Variants in SNTG1 observed in about 807,000 individuals in gnomAD.
SNTG1 encodes gamma-1-syntrophin.
SNTG1 carries 39 observed loss-of-function variants against 74.7 expected under a neutral mutation model. That is an observed-to-expected ratio of 0.52 (90% confidence interval 0.40 to 0.68). The LOEUF is 0.68. Among genes scored for constraint, SNTG1 ranks in the 30% least tolerant of loss-of-function variants. SNTG1 has a pLI of 0.00. For missense variants in SNTG1, 685 were observed against 609.5 expected (o/e 1.12, Z -1.30); for synonymous variants, 254 against 217.1 (o/e 1.17, Z -1.49).
chr8:50,076,504 C>T (rs1198526635), intron 1 of SNTG1, among the ~76,000 whole-genome samples: 2 of 151,972 alleles, frequency 1.3e-5, no homozygotes, highest in Admixed American at 6.6e-5. Flanking sequence ...ATTATATTAC[C>T]TTGATTACTA....
At chr8:50,789,769 C>A (rs1020901035) in intron 18 of SNTG1, among the ~76,000 whole-genome samples, 15 of 151,984 alleles carry the variant, frequency 9.9e-5, no homozygotes, top group Admixed American at 9.9e-4. Flanking sequence ...CCAGAATCAT[C>A]ATTTTCTGAC....
At chr8:50,536,077 A>G (rs936514422) in intron 10 of SNTG1, among the ~76,000 whole-genome samples, 1 of 152,216 alleles carries the variant, frequency 6.6e-6, no homozygotes, top group African/African-American at 2.4e-5. Flanking sequence ...TGTAATTTTA[A>G]GCCAGCAGTA....
intron 1 of SNTG1, among the ~76,000 whole-genome samples, chr8:50,049,328 T>C (rs1819367048): frequency 1.3e-5 from 2 of 152,112 alleles, no homozygotes; most frequent in Non-Finnish European, 2.9e-5. Flanking sequence ...GAGAAATATA[T>C]GCCATGTTAA....
At chr8:50,713,655 C>T (rs138132784) in intron 17 of SNTG1, among the ~76,000 whole-genome samples, 2,463 of 152,042 alleles carry the variant, frequency 0.016, 40 homozygotes, top group Middle Eastern at 0.037. Flanking sequence ...TTAAGTCTTA[C>T]GTTTAAGTCT....
chr8:50,297,483 T>A (rs79064816), intron 2 of SNTG1, among the ~76,000 whole-genome samples: 2,704 of 152,210 alleles, frequency 0.018, 58 homozygotes, highest in African/African-American at 0.049. Flanking sequence ...ACTTTATGGG[T>A]TGTCTTTGGC....
At chr8:49,927,599 T>C (rs1178374146) in intron 1 of SNTG1, among the ~76,000 whole-genome samples, 2 of 152,122 alleles carry the variant, frequency 1.3e-5, no homozygotes, top group Non-Finnish European at 2.9e-5. Flanking sequence ...TCCAACTATA[T>C]GACATTCTGG....
chr8:50,670,841 A>T (rs1450005123), intron 15 of SNTG1, among the ~76,000 whole-genome samples: 1 of 151,418 alleles, frequency 6.6e-6, no homozygotes, highest in Non-Finnish European at 1.5e-5. Context: ...GTACCAAAAC[A>T]GAGATATAGA....
intron 15 of SNTG1, among the ~76,000 whole-genome samples, chr8:50,703,627 C>T (rs986852382): frequency 6.6e-6 from 1 of 151,848 alleles, no homozygotes; most frequent in African/African-American, 2.4e-5. Flanking sequence ...AATACATAAA[C>T]CAGTAACATA....
intron 1 of SNTG1, among the ~76,000 whole-genome samples, chr8:50,132,562 G>C (rs1188973359): frequency 6.6e-6 from 1 of 152,062 alleles, no homozygotes; most frequent in Admixed American, 6.6e-5. Flanking sequence ...AATCCAACAG[G>C]GAAAATTCTA....
At chr8:50,059,749 A>C (rs1820318938) in intron 1 of SNTG1, among the ~76,000 whole-genome samples, 1 of 152,136 alleles carries the variant, frequency 6.6e-6, no homozygotes, top group South Asian at 2.1e-4. Flanking sequence ...CAGTGAATGG[A>C]CAATTGGATT....
intron 2 of SNTG1, among the ~76,000 whole-genome samples, chr8:50,198,248 G>A (rs966247203): frequency 2.0e-5 from 3 of 152,150 alleles, no homozygotes; most frequent in South Asian, 4.1e-4. Context: ...GCAGTCTCCC[G>A]GGTTGAATCC....
chr8:50,135,627 T>TA lies in SNTG1; in HGVS notation c.-102-36924dup, dbSNP rs973491479. 7.9e-4 allele frequency among the ~76,000 whole-genome samples: 119 copies of TA among 151,110 alleles called. 3 individuals carry two copies. In the East Asian group the frequency reaches 0.015, roughly 19 times the overall value. ...CATGATTTTGGGGGACTTTCGTTTT[T>TA]AAAAAAAAAATTCAATGAATTTTAT... On this transcript the variant is annotated intron_variant, in intron 1 of 18. Coordinates refer to ENST00000642720, the MANE Select transcript of SNTG1 (RefSeq NM_018967.5).
At chr8:50,508,058 T>C (rs899741028) in intron 9 of SNTG1, among the ~76,000 whole-genome samples, 1 of 146,832 alleles carries the variant, frequency 6.8e-6, no homozygotes, top group Admixed American at 6.6e-5. Flanking sequence ...CCTAATGCTA[T>C]CCCTCCCCAC....
intron 2 of SNTG1, among the ~76,000 whole-genome samples, chr8:50,287,697 C>A (rs2088861381): frequency 1.3e-5 from 2 of 152,196 alleles, no homozygotes. Flanking sequence ...CCATCTTCCA[C>A]ATTGTCTGAG....
At chr8:49,996,417 G>C (rs1197518994) in intron 1 of SNTG1, among the ~76,000 whole-genome samples, 1 of 151,496 alleles carries the variant, frequency 6.6e-6, no homozygotes, top group Admixed American at 6.6e-5. Context: ...ATTCTTTAAA[G>C]AAAGAGCACT....
At chr8:50,544,809 G>A (rs2094374527) in intron 11 of SNTG1, among the ~76,000 whole-genome samples, 1 of 152,074 alleles carries the variant, frequency 6.6e-6, no homozygotes, top group Admixed American at 6.6e-5. Flanking sequence ...ATATCTGTAA[G>A]TGGGAGACAT....
At chr8:50,416,747 A>G (rs2093018614) in intron 4 of SNTG1, among the ~76,000 whole-genome samples, 2 of 152,214 alleles carry the variant, frequency 1.3e-5, no homozygotes, top group East Asian at 1.9e-4. Context: ...GCCTTTTTCC[A>G]TAAATGAAGA....
chr8:50,503,848 T>G (rs1329344077), intron 9 of SNTG1, among the ~76,000 whole-genome samples: 2 of 152,206 alleles, frequency 1.3e-5, no homozygotes, highest in Admixed American at 1.3e-4. Context: ...AACGTTCTTT[T>G]ATTTAACTTT....
chr8:50,485,286 G>A (rs990764132), intron 8 of SNTG1, among the ~76,000 whole-genome samples: 1 of 152,154 alleles, frequency 6.6e-6, no homozygotes, highest in Admixed American at 6.5e-5. Context: ...ACATTTCAGT[G>A]ATGTCAGTAT....
Sources: gnomAD v4.1 joint callset for allele counts (sites outside exome capture counted in the v4.1 genomes callset) on GRCh38, gnomAD v4.1.1 for gene constraint, MANE v1.5 for transcripts, NCBI Gene and HGNC (gene_info 2026-07-23, HGNC 2026-07-21) for gene names.